The following TLN1 variants were observed in gnomAD, a reference collection of about 807,000 sequenced individuals.
TLN1 encodes the protein talin 1, also known as talin-1.
Under a neutral mutation model 292.3 loss-of-function variants are expected in TLN1, and 56 were observed. The observed-to-expected ratio is 0.19, with a 90% CI of 0.15 to 0.24. The LOEUF (loss-of-function observed/expected upper bound fraction) is 0.24, where lower values mean the gene tolerates loss of function less well. TLN1 is among the 10% of genes least tolerant of loss of function. The pLI is 1.00. For missense variants in TLN1, 2,433 were observed against 3,248.2 expected, an observed-to-expected ratio of 0.75 and a Z score of 6.10; for synonymous variants, 1,119 against 1,253.7, an observed-to-expected ratio of 0.89 and a Z score of 2.27.
chr9:35,731,377 T>C (rs1278398164), intron 1 of TLN1, among the ~76,000 whole-genome samples: 1 of 152,034 alleles, frequency 6.6e-6, no homozygotes, highest in East Asian at 1.9e-4. Flanking sequence ...ATCCAATCCC[T>C]GATCCCTGAA....
intron 11 of TLN1, 141 bp from the exon 12 acceptor site, chr9:35,720,650 AG>A: frequency 9.9e-7 from 1 of 1,011,220 alleles, no homozygotes; most frequent in Non-Finnish European, 1.5e-6. Flanking sequence ...TTTTTTGACA[AG>A]AAAGGGCTCT....
Position 35,725,245 on chromosome 9 carries a change from G to A in TLN1, c.207C>T (p.Asp69=). The A allele has an allele frequency of 6.2e-7, 1 of 1,614,174 alleles. No individual in the cohort carries two copies. ...TTACCCCATTTCGGAGCATGTAGTA[G>A]TCCAAAGCTTTCCCAGCCTCCAGCC... ...GIWLEAGKAL[D]YYMLRNGDTM... is the part of the protein sequence containing the mutation. The change falls in exon 3 of 57, where the codon GAC becomes GAT. Residue 69 remains aspartate (D), a synonymous_variant. Coordinates refer to ENST00000314888, the MANE Select transcript of TLN1 (RefSeq NM_006289.4).
Position 35,698,899 on chromosome 9 carries a change from A to G in TLN1, c.7034T>C (p.Ile2345Thr), listed in dbSNP as rs777100987. 1.9e-6 allele frequency: 3 copies of G among 1,614,146 alleles called. No individual in the cohort carries two copies. Among genetic ancestry groups the G allele is most frequent in the Non-Finnish European group, 2.5e-6 (3 of 1,180,002 alleles). ...TGCAATGGACTTGGCAGCTTCTAGT[A>G]TCTGCTCCTCAAAGTTCAAGGACTC... ...ADESLNFEEQ[I>T]LEAAKSIAAA... The change falls in exon 53 of 57, where the codon ATA becomes ACA. Residue 2345 changes from isoleucine to threonine, a missense_variant. Physicochemically the swap from Ile to Thr is moderately conservative, Grantham distance 89. Coordinates refer to ENST00000314888, the MANE Select transcript of TLN1 (RefSeq NM_006289.4). The surrounding 1 kb of genome is among the most constrained non-coding windows in gnomAD (Gnocchi z 5.3).
intron 27 of TLN1, among the ~76,000 whole-genome samples, chr9:35,712,577 G>A (rs1238959329): frequency 6.6e-6 from 1 of 151,840 alleles, no homozygotes; most frequent in Non-Finnish European, 1.5e-5. Flanking sequence ...GAACCCAGGA[G>A]GCGGAGACTG....
Position 35,711,994 on chromosome 9 carries a change from CGTCCTCCTACCGA to C in TLN1, c.3679_3681+10del. 1 of 1,613,188 alleles carries C rather than the reference CGTCCTCCTACCGA, an allele frequency of 6.2e-7. No homozygotes were observed. ...ACTCCTACGTTCCCCCACCCCCTAC[CGTCCTCCTACCGA>C]GTCACTCAGGAGTCGCTTGCTGGCA... On this transcript the variant is annotated splice_donor_variant and splice_donor_5th_base_variant and coding_sequence_variant and intron_variant, in exon 28 of 57. Transcript: ENST00000314888. LOFTEE classifies it high-confidence loss of function.
In TLN1 at chr9:35,697,414, G is replaced by A. The variant is rs576024268; in HGVS notation, c.*377C>T. ...CTGCAGCCCCTATGGGTAGCTGGGG[G>A]TGGGGGAAGATAGTATCAAAAAACG... On this transcript the variant is annotated 3_prime_UTR_variant, in exon 57 of 57. Coordinates refer to ENST00000314888, the MANE Select transcript of TLN1 (RefSeq NM_006289.4). The A allele has an allele frequency of 4.3e-6, 1 of 231,590 alleles. No homozygotes were observed. Among genetic ancestry groups the A allele is most frequent in the African/African-American group, 2.3e-5 (1 of 43,852 alleles). The allele number at this position is 231,590 out of a possible 1,614,324, so 14.3% of individuals were successfully genotyped here. A position where few individuals can be genotyped will look rare whatever the true frequency, so the allele number is the denominator to read the frequency against.
chr9:35,721,281 G>A (rs952710066), intron 10 of TLN1, among the ~76,000 whole-genome samples: 3 of 152,062 alleles, frequency 2.0e-5, no homozygotes, highest in Non-Finnish European at 4.4e-5. Context: ...GTGTCATTAG[G>A]GTACTTTATC....
chr9:35,726,432 CTCTT>C (rs1336509044), intron 1 of TLN1, among the ~76,000 whole-genome samples: 2 of 152,182 alleles, frequency 1.3e-5, no homozygotes, highest in Non-Finnish European at 2.9e-5. Flanking sequence ...GTATTTTTCT[CTCTT>C]TGTCTCCTGC....
rs770989007 is a variant in TLN1, at chr9:35,704,149, C to T, written c.6073G>A (p.Val2025Met). 2.5e-6 allele frequency: 4 copies of T among 1,606,364 alleles called. No homozygotes were observed. The highest frequency in any genetic ancestry group is 1.3e-5 in the African/African-American group (1 of 74,902). ...AGGACCTTGGTGTCCTCCACCAGCA[C>T]CTTCGCAGTCTTCAGGATGCCCTCC... The part of the protein sequence containing the change: ...HREGILKTAK[V>M]LVEDTKVLVQ... The change falls in exon 46 of 57, where the codon GTG (valine) becomes ATG (methionine). Residue 2025 changes from valine to methionine, a missense_variant. By Grantham distance (21) the Val-to-Met change is conservative. Coordinates refer to ENST00000314888, the MANE Select transcript of TLN1 (RefSeq NM_006289.4). The surrounding 1 kb of genome is among the most constrained non-coding windows in gnomAD (Gnocchi z 6.9).
At chr9:35,697,997 T>G (rs764231246) in intron 56 of TLN1, 47 bp downstream of exon 56, 4 of 1,614,038 alleles carry the variant, frequency 2.5e-6, no homozygotes, top group Non-Finnish European at 2.5e-6. Flanking sequence ...GCAGGCAACA[T>G]GACTGCCCTC....
chr9:35,716,280 T>G (rs533123993), intron 20 of TLN1, 110 bp downstream of exon 20: 1 of 1,319,914 alleles, frequency 7.6e-7, no homozygotes, highest in African/African-American at 1.5e-5. Flanking sequence ...ATTTGTCCTC[T>G]TGTGTTTTCT....
Position 35,716,522 on chromosome 9 carries a change from T to C in TLN1, c.2493A>G (p.Gln831=). 2 of 1,614,222 alleles carry C rather than the reference T, an allele frequency of 1.2e-6. No individual in the cohort carries two copies. The highest frequency in any genetic ancestry group is 2.2e-5 in the South Asian group (2 of 91,086). ...TGGCATTGACCAGGTCAGATGTGGC[T>C]TGGGCCAGGATGCGGGCCTGTCGCA... The part of the protein sequence containing the change: ...EMVRQARILA[Q]ATSDLVNAIK... The change falls in exon 20 of 57, where the codon CAA becomes CAG. Residue 831 remains glutamine (Q), a synonymous_variant. Coordinates refer to ENST00000314888, the MANE Select transcript of TLN1 (RefSeq NM_006289.4).
chr9:35,704,552 G>A lies in TLN1; in HGVS notation c.5881-54C>T. 1 of 1,581,948 alleles carries A rather than the reference G, an allele frequency of 6.3e-7. No homozygotes were observed. The highest frequency in any genetic ancestry group is 2.2e-5 in the East Asian group (1 of 44,496). On this transcript the variant is annotated intron_variant, in intron 44 of 56. Transcript: ENST00000314888. This position sits in a 1 kb window ranked among gnomAD's most constrained non-coding sequence, Gnocchi z 6.9. ...TGGAAGGTGCCATGTGAAATGGAAAGGTTGCCCATGCCTGGGAGAAGTGAC... is the reference window on the plus strand; with the variant it reads ...TGGAAGGTGCCATGTGAAATGGAAAAGTTGCCCATGCCTGGGAGAAGTGAC...
At chr9:35,710,210 G>GA (rs1380271108) in intron 33 of TLN1, among the ~76,000 whole-genome samples, 2 of 111,078 alleles carry the variant, frequency 1.8e-5, no homozygotes, top group African/African-American at 6.8e-5. Context: ...GCGACAGAGC[G>GA]AAACGCTGTC....
intron 12 of TLN1, 58 bp from the exon 13 acceptor site, chr9:35,720,277 C>G (rs1005566943): frequency 5.0e-5 from 78 of 1,545,580 alleles, no homozygotes; most frequent in Non-Finnish European, 6.5e-5. Flanking sequence ...CCCGTCCCAC[C>G]CGGTTACACT....
At chr9:35,728,108 C>T (rs897075804) in intron 1 of TLN1, among the ~76,000 whole-genome samples, 1 of 152,182 alleles carries the variant, frequency 6.6e-6, no homozygotes, top group Admixed American at 6.5e-5. Flanking sequence ...CAATACATTC[C>T]TGCGATGCAT....
chr9:35,730,229 A>G (rs1395700010), intron 1 of TLN1, among the ~76,000 whole-genome samples: 1 of 151,778 alleles, frequency 6.6e-6, no homozygotes, highest in Non-Finnish European at 1.5e-5. Flanking sequence ...GGACATTGGC[A>G]ATGTCTAAGT....
At chr9:35,723,789 G>A in intron 7 of TLN1, 163 bp downstream of exon 7, 1 of 1,017,142 alleles carries the variant, frequency 9.8e-7, no homozygotes. Context: ...GCAGAGAAGA[G>A]ACAATGGATG....
chr9:35,720,401 G>A (rs1825860596), intron 12 of TLN1, 32 bp downstream of exon 12: 1 of 1,610,488 alleles, frequency 6.2e-7, no homozygotes, highest in Non-Finnish European at 8.5e-7. Flanking sequence ...CTCTACCCCT[G>A]GGAAATGGGA....
Sources: gnomAD v4.1 joint callset for allele counts (sites outside exome capture counted in the v4.1 genomes callset) on GRCh38, gnomAD v4.1.1 for gene constraint, Gnocchi (gnomAD v3.1) non-coding constraint, MANE v1.5 for transcripts, NCBI Gene and HGNC (gene_info 2026-07-23, HGNC 2026-07-21) for gene names.